CDH13: variants seen among roughly 807,000 people sequenced by gnomAD.
The protein encoded by CDH13 is cadherin-13.
In CDH13, 24 loss-of-function variants were observed where a neutral mutation model predicts 63.8. The ratio of observed to expected loss-of-function variants is 0.38; its 90% CI spans 0.27 to 0.53. The LOEUF (loss-of-function observed/expected upper bound fraction) is 0.53, where lower values mean the gene tolerates loss of function less well. CDH13 is among the 20% of genes least tolerant of loss of function. The pLI, the probability that CDH13 is intolerant of heterozygous loss-of-function variation, is 0.85. For synonymous variants in CDH13, 503 were observed against 355.3 expected (o/e 1.42, Z -4.67); for missense variants, 1,049 against 903.1 (o/e 1.16, Z -2.07).
rs566371725 is a variant in CDH13, at chr16:83,471,692, G to C, written c.782-14785G>C. The stretch of plus-strand genomic sequence containing the variant: ...TAAACTGAAGGCAGGGTTTGAAGTA[G>C]GCAGGATTTGATCTTGGAACCTGGG... On this transcript the variant is annotated intron_variant, in intron 6 of 13. Transcript: ENST00000567109. 3.3e-5 allele frequency among the ~76,000 whole-genome samples: 5 copies of C among 152,280 alleles called. No homozygotes were observed. In the South Asian group the frequency reaches 1.0e-3, roughly 32 times the overall value.
intron 3 of CDH13, among the ~76,000 whole-genome samples, chr16:83,084,857 C>T (rs927651274): frequency 6.6e-6 from 1 of 152,206 alleles, no homozygotes; most frequent in African/African-American, 2.4e-5. Flanking sequence ...CATTGCACTC[C>T]AGCCTGGGCA....
chr16:83,191,760 G>A (rs2038722107), intron 4 of CDH13, among the ~76,000 whole-genome samples: 1 of 151,818 alleles, frequency 6.6e-6, no homozygotes, highest in Admixed American at 6.6e-5. Context: ...AACCAGTCTA[G>A]GCTTTTCACG....
chr16:82,814,189 A>G (rs898392995), intron 1 of CDH13, among the ~76,000 whole-genome samples: 4 of 152,122 alleles, frequency 2.6e-5, no homozygotes, highest in Non-Finnish European at 5.9e-5. Flanking sequence ...AGTTCCTGGC[A>G]GACAGCATCT....
chr16:82,886,691 C>G (rs190873270), intron 2 of CDH13, among the ~76,000 whole-genome samples: 2 of 152,106 alleles, frequency 1.3e-5, no homozygotes, highest in South Asian at 4.1e-4. Context: ...GCTCCATGCA[C>G]TGTTCTAAGC....
At chr16:83,385,581 C>G (rs190279394) in intron 6 of CDH13, among the ~76,000 whole-genome samples, 1 of 152,174 alleles carries the variant, frequency 6.6e-6, no homozygotes, top group Non-Finnish European at 1.5e-5. Flanking sequence ...TGTAGTTACT[C>G]TAGAACATGG....
chr16:83,491,928 C>T (rs2074023322), intron 7 of CDH13, among the ~76,000 whole-genome samples: 1 of 152,046 alleles, frequency 6.6e-6, no homozygotes, highest in East Asian at 1.9e-4. Context: ...GTAAGTGTTA[C>T]ATAAGGACTT....
chr16:83,270,168 A>G (rs2088758547), intron 5 of CDH13, among the ~76,000 whole-genome samples: 1 of 152,230 alleles, frequency 6.6e-6, no homozygotes, highest in Non-Finnish European at 1.5e-5. Context: ...GCAGGGCAAT[A>G]ATCTATTGAA....
intron 2 of CDH13, among the ~76,000 whole-genome samples, chr16:83,000,574 CTTTT>C (rs561787532): frequency 3.1e-5 from 4 of 127,738 alleles, no homozygotes; most frequent in Non-Finnish European, 6.5e-5. Flanking sequence ...TTTCTTTTCT[CTTTT>C]TTTTTTTTTT....
At chr16:83,433,764 T>G (rs1231179539) in intron 6 of CDH13, among the ~76,000 whole-genome samples, 5 of 152,232 alleles carry the variant, frequency 3.3e-5, no homozygotes, top group African/African-American at 7.2e-5. Flanking sequence ...CATGTCACAT[T>G]ACACTTGTTT....
At chr16:83,117,153 C>T (rs1396010697) in intron 3 of CDH13, among the ~76,000 whole-genome samples, 2 of 152,254 alleles carry the variant, frequency 1.3e-5, no homozygotes, top group African/African-American at 2.4e-5. Flanking sequence ...CTGGACTCCT[C>T]AGCTCAAAAC....
chr16:83,197,023 A>G (rs2038897027), intron 4 of CDH13, among the ~76,000 whole-genome samples: 1 of 152,206 alleles, frequency 6.6e-6, no homozygotes, highest in African/African-American at 2.4e-5. Flanking sequence ...TTTGCCAGAA[A>G]CTGAAAACAA....
intron 4 of CDH13, chr16:83,181,120 G>A: frequency 9.9e-7 from 1 of 1,006,120 alleles, no homozygotes; most frequent in Non-Finnish European, 1.4e-6. Context: ...TGGGTATTTG[G>A]GATAGAAATG....
intron 8 of CDH13, among the ~76,000 whole-genome samples, chr16:83,633,318 G>C (rs538199320): frequency 1.6e-4 from 24 of 152,300 alleles, no homozygotes; most frequent in African/African-American, 5.3e-4. Flanking sequence ...GGTGGCACCG[G>C]TGTTCATTTT....
At chr16:83,163,401 A>G (rs1280453704) in intron 4 of CDH13, among the ~76,000 whole-genome samples, 1 of 152,068 alleles carries the variant, frequency 6.6e-6, no homozygotes, top group East Asian at 1.9e-4. Context: ...CCCAGGTAAC[A>G]TAAAATAAAA....
At chr16:83,042,173 AC>A (rs769610803) in intron 3 of CDH13, among the ~76,000 whole-genome samples, 3 of 152,152 alleles carry the variant, frequency 2.0e-5, no homozygotes, top group Non-Finnish European at 2.9e-5. Context: ...TCCCCCACCC[AC>A]CTGTCTGAGT....
intron 7 of CDH13, among the ~76,000 whole-genome samples, chr16:83,595,781 G>A (rs1265797682): frequency 6.6e-6 from 1 of 152,082 alleles, no homozygotes; most frequent in Non-Finnish European, 1.5e-5. Flanking sequence ...CTATGCCCCT[G>A]GAACCCAAGG....
chr16:82,717,854 T>C (rs1446892418), intron 1 of CDH13, among the ~76,000 whole-genome samples: 4 of 123,978 alleles, frequency 3.2e-5, no homozygotes, highest in Admixed American at 1.6e-4. Context: ...GTAGTAGGGG[T>C]TCATCAGTTA....
At chr16:83,303,825 C>T (rs936701461) in intron 5 of CDH13, among the ~76,000 whole-genome samples, 1 of 152,050 alleles carries the variant, frequency 6.6e-6, no homozygotes, top group Non-Finnish European at 1.5e-5. Flanking sequence ...CATCTACCCA[C>T]CCTTAAACTA....
intron 5 of CDH13, among the ~76,000 whole-genome samples, chr16:83,275,012 C>A (rs536106569): frequency 6.6e-6 from 1 of 152,272 alleles, no homozygotes; most frequent in Non-Finnish European, 1.5e-5. Flanking sequence ...TCCCTATAGA[C>A]ACATGCTTTA....
Sources: gnomAD v4.1 joint callset for allele counts (sites outside exome capture counted in the v4.1 genomes callset) on GRCh38, gnomAD v4.1.1 for gene constraint, MANE v1.5 for transcripts, NCBI Gene and HGNC (gene_info 2026-07-23, HGNC 2026-07-21) for gene names.